LRP1B: variants seen among roughly 807,000 people sequenced by gnomAD.
LRP1B encodes low-density lipoprotein receptor-related protein 1B.
Under a neutral mutation model 556.6 loss-of-function variants are expected in LRP1B, and 217 were observed. The observed-to-expected ratio is 0.39, with a 90% confidence interval of 0.35 to 0.44. LRP1B has a LOEUF of 0.44. LRP1B is among the 20% of genes least tolerant of loss of function. LRP1B has a pLI of 1.00. For missense variants in LRP1B, 5,053 were observed against 5,620.8 expected, an observed-to-expected ratio of 0.90 and a Z score of 3.23; for synonymous variants, 2,047 against 1,865.8, an observed-to-expected ratio of 1.10 and a Z score of -2.50.
chr2:140,763,693 A>G (rs908708463), intron 35 of LRP1B, among the ~76,000 whole-genome samples: 3 of 152,128 alleles, frequency 2.0e-5, no homozygotes, highest in African/African-American at 7.2e-5. Flanking sequence ...AAATTACCCA[A>G]AAAGGATCTG....
At chr2:141,579,862 G>A (rs980092903) in intron 2 of LRP1B, among the ~76,000 whole-genome samples, 1 of 151,006 alleles carries the variant, frequency 6.6e-6, no homozygotes, top group African/African-American at 2.4e-5. Context: ...ACCACACCCG[G>A]CTAACTTTTT....
intron 1 of LRP1B, among the ~76,000 whole-genome samples, chr2:141,855,786 T>C (rs1698030797): frequency 6.6e-6 from 1 of 152,158 alleles, no homozygotes. Context: ...ATTTTAAAAA[T>C]ACATTCATTT....
intron 2 of LRP1B, among the ~76,000 whole-genome samples, chr2:141,533,152 CA>C (rs1194583532): frequency 3.3e-5 from 5 of 152,058 alleles, no homozygotes; most frequent in Admixed American, 3.3e-4. Flanking sequence ...TGTAGATTAA[CA>C]AAAATTAAAA....
intron 3 of LRP1B, among the ~76,000 whole-genome samples, chr2:141,474,997 C>A (rs969255199): frequency 1.3e-5 from 2 of 152,136 alleles, no homozygotes; most frequent in African/African-American, 2.4e-5. Context: ...TTTTCACTGA[C>A]CTCTGAACTT....
chr2:141,210,019 A>G (rs776865805), intron 6 of LRP1B, among the ~76,000 whole-genome samples: 3 of 152,150 alleles, frequency 2.0e-5, no homozygotes, highest in Non-Finnish European at 4.4e-5. Context: ...TAGGGGAAAT[A>G]CAAAGCCCAA....
At chr2:142,093,836 A>C (rs1706263850) in intron 1 of LRP1B, among the ~76,000 whole-genome samples, 1 of 152,130 alleles carries the variant, frequency 6.6e-6, no homozygotes, top group African/African-American at 2.4e-5. Context: ...GTGGCTTTCA[A>C]GAAGATATGG....
chr2:141,101,048 ACC>A (rs1700448436), intron 7 of LRP1B, among the ~76,000 whole-genome samples: 1 of 152,104 alleles, frequency 6.6e-6, no homozygotes, highest in Non-Finnish European at 1.5e-5. Context: ...TGAGTGTCAA[ACC>A]CCCATGAGAC....
Position 141,072,732 on chromosome 2 carries a change from C to T in LRP1B, c.1014-10459G>A, listed in dbSNP as rs114287726. Among the ~76,000 whole-genome samples the T allele has an allele frequency of 3.4e-3, 511 of 152,156 alleles. 3 individuals are homozygous for T. Among genetic ancestry groups the T allele is most frequent in the African/African-American group, 0.011 (469 of 41,550 alleles). Reference sequence around the variant, plus strand: ...ATTGTCCTAACCCTTTGATTCACTTCACCTCACATCTCTCAACTCCAGAAG... The same window carrying T: ...ATTGTCCTAACCCTTTGATTCACTTTACCTCACATCTCTCAACTCCAGAAG... On this transcript the variant is annotated intron_variant, in intron 7 of 90. Coordinates refer to ENST00000389484, the MANE Select transcript of LRP1B (RefSeq NM_018557.3).
At chr2:141,251,184 A>G (rs2714178) in intron 4 of LRP1B, among the ~76,000 whole-genome samples, 20,934 of 152,164 alleles carry the variant, frequency 0.14, 1,493 homozygotes, top group South Asian at 0.22. Flanking sequence ...CATAAAGAAT[A>G]TAGAAGCTCT....
At chr2:141,656,569 AT>A (rs903118975) in intron 2 of LRP1B, among the ~76,000 whole-genome samples, 56 of 152,282 alleles carry the variant, frequency 3.7e-4, no homozygotes, top group African/African-American at 1.2e-3. Context: ...TGCTAATTAA[AT>A]GATAGTTTTA....
rs923607085 is a variant in LRP1B at position 141,885,645 on chromosome 2, G to C, written c.83-75244C>G. Among the ~76,000 whole-genome samples, 4 of 152,198 alleles carry C rather than the reference G, an allele frequency of 2.6e-5. No homozygotes were observed. In the South Asian group the frequency reaches 8.3e-4, roughly 32 times the overall value. On this transcript the variant is annotated intron_variant, in intron 1 of 90. Coordinates refer to ENST00000389484, the MANE Select transcript of LRP1B (RefSeq NM_018557.3). ...AATGATCAAGCATGATTACAGTCAA[G>C]TGACAGGTCTGCAACCAAGTGAACA...
At position 140,912,392 on chromosome 2, in the gene LRP1B, TAAGA is replaced by T. The variant is rs1263753311; in HGVS notation, c.3320-4319_3320-4316del. On this transcript the variant is annotated intron_variant, in intron 21 of 90. Coordinates refer to ENST00000389484, the MANE Select transcript of LRP1B (RefSeq NM_018557.3). ...TTGCTTAAACTCCCTTCTTTATATA[TAAGA>T]AATAAGTAGTTATTAATAATAGTAA... 7.3e-5 allele frequency among the ~76,000 whole-genome samples: 11 copies of T among 151,702 alleles called. No homozygotes were observed. The East Asian group carries it at 1.9e-3, about 27-fold the overall frequency.
At chr2:141,265,079 G>A (rs2105357856) in intron 3 of LRP1B, among the ~76,000 whole-genome samples, 1 of 152,260 alleles carries the variant, frequency 6.6e-6, no homozygotes, top group African/African-American at 2.4e-5. Flanking sequence ...GATGAGAGGG[G>A]CCACAAACTC....
chr2:141,590,103 A>T (rs1172570691), intron 2 of LRP1B, among the ~76,000 whole-genome samples: 1 of 152,166 alleles, frequency 6.6e-6, no homozygotes, highest in Non-Finnish European at 1.5e-5. Flanking sequence ...GCAGAAAAAA[A>T]AATGGTTATT....
intron 1 of LRP1B, among the ~76,000 whole-genome samples, chr2:141,826,102 T>G (rs1055717228): frequency 2.6e-5 from 4 of 151,950 alleles, no homozygotes; most frequent in Non-Finnish European, 5.9e-5. Flanking sequence ...AGAAAAAAAA[T>G]CAAATCTTCT....
chr2:140,468,887 T>A (rs1021076035), intron 60 of LRP1B, among the ~76,000 whole-genome samples: 5 of 152,206 alleles, frequency 3.3e-5, no homozygotes, highest in Non-Finnish European at 5.9e-5. Context: ...GTTTATCCTA[T>A]GCCCAGTGCA....
chr2:141,742,255 CTTTT>C (rs34084336), intron 2 of LRP1B, among the ~76,000 whole-genome samples: 2 of 122,740 alleles, frequency 1.6e-5, no homozygotes, highest in Non-Finnish European at 3.3e-5. Flanking sequence ...TTCTTTCTTT[CTTTT>C]TTTTTTTTTT....
chr2:141,932,739 A>T (rs1238337531), intron 1 of LRP1B, among the ~76,000 whole-genome samples: 2 of 152,062 alleles, frequency 1.3e-5, no homozygotes, highest in African/African-American at 4.8e-5. Context: ...TCAGTCATAA[A>T]TTTTTAAATG....
At chr2:140,489,493 C>T (rs948625939) in intron 57 of LRP1B, among the ~76,000 whole-genome samples, 2 of 152,012 alleles carry the variant, frequency 1.3e-5, no homozygotes, top group African/African-American at 4.8e-5. Flanking sequence ...CCATTTACAT[C>T]CTAAAAACTG....
Sources: gnomAD v4.1 joint callset for allele counts (sites outside exome capture counted in the v4.1 genomes callset) on GRCh38, gnomAD v4.1.1 for gene constraint, MANE v1.5 for transcripts, NCBI Gene and HGNC (gene_info 2026-07-23, HGNC 2026-07-21) for gene names.